Variants in CDH13 observed in about 807,000 individuals in gnomAD.
CDH13 encodes cadherin 13, also known as cadherin-13.
In CDH13, 24 loss-of-function variants were observed where a neutral mutation model predicts 63.8. That is an observed-to-expected ratio of 0.38 (90% CI 0.27 to 0.53). The LOEUF (loss-of-function observed/expected upper bound fraction) is 0.53, where lower values mean the gene tolerates loss of function less well. Among genes scored for constraint, CDH13 ranks in the 20% least tolerant of loss-of-function variants. CDH13 has a pLI of 0.85. For synonymous variants in CDH13, 503 were observed against 355.3 expected (o/e 1.42, Z -4.67); for missense variants, 1,049 against 903.1 (o/e 1.16, Z -2.07).
chr16:82,736,023 G>A (rs1298690950), intron 1 of CDH13, among the ~76,000 whole-genome samples: 1 of 152,196 alleles, frequency 6.6e-6, no homozygotes. Context: ...ACCTGCAAGA[G>A]TAAAAAGAGA....
chr16:82,907,205 T>G lies in CDH13; in HGVS notation c.157+48732T>G, dbSNP rs543609246. 6.6e-5 allele frequency among the ~76,000 whole-genome samples: 10 copies of G among 152,266 alleles called. No homozygotes were observed. In the South Asian group the frequency reaches 2.1e-3, roughly 32 times the overall value. On this transcript the variant is annotated intron_variant, in intron 2 of 13. Transcript: ENST00000567109. ...GTGGAACCCTTTCTTTAAATGGAAA[T>G]TTAGTCACAGTAAAGGACAGAAAAG...
intron 4 of CDH13, among the ~76,000 whole-genome samples, chr16:83,216,427 T>TATATATATATAAATATAA (rs1555513894): frequency 2.2e-5 from 1 of 45,056 alleles, no homozygotes; most frequent in African/African-American, 5.9e-5. Context: ...TATATATATA[T>TATATATATATAAATATAA]ATATATATAT....
chr16:83,596,506 C>T (rs1343066184), intron 7 of CDH13, among the ~76,000 whole-genome samples: 3 of 152,110 alleles, frequency 2.0e-5, no homozygotes, highest in Non-Finnish European at 4.4e-5. Context: ...TCAAAATTTC[C>T]TCCTGGAGAA....
chr16:82,736,045 C>T (rs536528539), intron 1 of CDH13, among the ~76,000 whole-genome samples: 7 of 152,270 alleles, frequency 4.6e-5, no homozygotes, highest in South Asian at 2.1e-4. Flanking sequence ...CCAATAAAAG[C>T]GATTCATGAA....
intron 6 of CDH13, among the ~76,000 whole-genome samples, chr16:83,400,702 G>C (rs2091955193): frequency 6.6e-6 from 1 of 152,184 alleles, no homozygotes; most frequent in Admixed American, 6.5e-5. Context: ...ACAGGATCAA[G>C]TATAGGTAAA....
intron 1 of CDH13, among the ~76,000 whole-genome samples, chr16:82,666,077 G>T (rs370292351): frequency 6.6e-6 from 1 of 152,170 alleles, no homozygotes; most frequent in Non-Finnish European, 1.5e-5. Context: ...TTATGAGAGG[G>T]TGTGGACTGT....
intron 8 of CDH13, among the ~76,000 whole-genome samples, chr16:83,654,106 G>A (rs1567486021): frequency 6.6e-6 from 1 of 152,084 alleles, no homozygotes; most frequent in Non-Finnish European, 1.5e-5. Context: ...GGGGATGATG[G>A]ATGGAGGATA....
At chr16:83,064,213 A>G (rs539688934) in intron 3 of CDH13, among the ~76,000 whole-genome samples, 1 of 152,152 alleles carries the variant, frequency 6.6e-6, no homozygotes, top group Admixed American at 6.5e-5. Flanking sequence ...TATCAAAAAT[A>G]CAAAAATTAG....
At chr16:83,270,551 C>A (rs935292878) in intron 5 of CDH13, among the ~76,000 whole-genome samples, 1 of 152,128 alleles carries the variant, frequency 6.6e-6, no homozygotes, top group Non-Finnish European at 1.5e-5. Flanking sequence ...CATGAGTATG[C>A]AAACACCTGA....
At chr16:83,301,401 C>G (rs894600916) in intron 5 of CDH13, among the ~76,000 whole-genome samples, 5 of 152,100 alleles carry the variant, frequency 3.3e-5, no homozygotes, top group Admixed American at 1.3e-4. Context: ...TGTGATTTTC[C>G]ATTTTCAGGC....
chr16:83,669,164 T>A (rs929886766), intron 8 of CDH13, among the ~76,000 whole-genome samples: 8 of 152,290 alleles, frequency 5.3e-5, no homozygotes, highest in African/African-American at 1.9e-4. Flanking sequence ...TGACTGCTTG[T>A]CCCAGAAGAC....
intron 4 of CDH13, among the ~76,000 whole-genome samples, chr16:83,176,632 C>A (rs970499789): frequency 2.0e-5 from 3 of 151,924 alleles, no homozygotes; most frequent in Non-Finnish European, 4.4e-5. Context: ...ACTGAGCATC[C>A]TCAACTTTGT....
intron 6 of CDH13, among the ~76,000 whole-genome samples, chr16:83,386,359 G>A (rs568438464): frequency 2.0e-5 from 3 of 152,118 alleles, no homozygotes; most frequent in African/African-American, 4.8e-5. Context: ...TGGGGGCAGC[G>A]CTATTATTAG....
chr16:83,082,669 C>G (rs1196404477), intron 3 of CDH13, among the ~76,000 whole-genome samples: 1 of 151,904 alleles, frequency 6.6e-6, no homozygotes, highest in Non-Finnish European at 1.5e-5. Context: ...AATAAAAACA[C>G]CAGAAAGATC....
intron 1 of CDH13, among the ~76,000 whole-genome samples, chr16:82,688,303 C>A (rs2150971376): frequency 6.6e-6 from 1 of 152,258 alleles, no homozygotes; most frequent in Non-Finnish European, 1.5e-5. Context: ...AATCTAAGCC[C>A]CTAAATACAC....
At chr16:83,374,935 CA>C (rs34044468) in intron 6 of CDH13, among the ~76,000 whole-genome samples, 2 of 152,156 alleles carry the variant, frequency 1.3e-5, no homozygotes, top group Admixed American at 1.3e-4. Flanking sequence ...ATTTGAAGTG[CA>C]AAGGGTTTGA....
intron 4 of CDH13, among the ~76,000 whole-genome samples, chr16:83,151,738 G>A (rs573282640): frequency 6.6e-6 from 1 of 152,318 alleles, no homozygotes; most frequent in East Asian, 1.9e-4. Flanking sequence ...GCAGAGGCGA[G>A]CAGATCACCT....
rs141276439 is a variant in CDH13, at chr16:82,724,167, C to G, written c.45+97030C>G. 9.5e-3 allele frequency among the ~76,000 whole-genome samples: 1,450 copies of G among 152,184 alleles called. 16 individuals are homozygous for G. The highest frequency in any genetic ancestry group is 0.014 in the Non-Finnish European group (947 of 67,992). ...TTTTTTGTTATATACACAAATTGTACTTTTTCTTATTTCTCATTTTTGTTC... is the reference window on the plus strand; with the variant it reads ...TTTTTTGTTATATACACAAATTGTAGTTTTTCTTATTTCTCATTTTTGTTC... On this transcript the variant is annotated intron_variant, in intron 1 of 13. Coordinates refer to ENST00000567109, the MANE Select transcript of CDH13 (RefSeq NM_001257.5).
chr16:83,180,852 G>GTTTTT (rs748562344), intron 4 of CDH13: 5 of 1,228,016 alleles, frequency 4.1e-6, no homozygotes, highest in East Asian at 3.0e-5. Flanking sequence ...AACAAAATGT[G>GTTTTT]TTTTTTTTTT....
Sources: allele counts gnomAD v4.1 joint callset (sites outside exome capture counted in the v4.1 genomes callset), GRCh38; gene constraint gnomAD v4.1.1; transcripts MANE v1.5; gene names NCBI Gene and HGNC (gene_info 2026-07-23, HGNC 2026-07-21).